The following ANKFN1 variants were observed in gnomAD, a reference collection of about 807,000 sequenced individuals.
ANKFN1 encodes ankyrin repeat and fibronectin type-III domain-containing protein 1.
Under a neutral mutation model 108.7 loss-of-function variants are expected in ANKFN1, and 74 were observed. The ratio of observed to expected loss-of-function variants is 0.68; its 90% CI spans 0.56 to 0.83. The LOEUF (loss-of-function observed/expected upper bound fraction) is 0.83. Ranked by LOEUF, ANKFN1 falls within the 40% of genes least tolerant of loss-of-function variation. The probability of loss-of-function intolerance (pLI) is 0.00; values close to 1 mark genes in which losing one functional copy is unlikely to be tolerated. For synonymous variants in ANKFN1, 547 were observed against 516.2 expected (o/e 1.06, Z -0.81); for missense variants, 1,505 against 1,382.3 (o/e 1.09, Z -1.41).
chr17:56,336,317 G>T (rs1442173118), intron 4 of ANKFN1, among the ~76,000 whole-genome samples: 1 of 152,104 alleles, frequency 6.6e-6, no homozygotes, highest in Non-Finnish European at 1.5e-5. Context: ...TTGTACCTCT[G>T]GTAGAATTCG....
rs1344970325 is a variant in ANKFN1, at chr17:56,265,310, G to A, written c.53+37353G>A. Among the ~76,000 whole-genome samples the A allele has an allele frequency of 3.3e-5, 5 of 152,164 alleles. No homozygotes were observed. In the East Asian group the frequency reaches 9.6e-4, roughly 29 times the overall value. On this transcript the variant is annotated intron_variant, in intron 3 of 20. Coordinates refer to ENST00000682825, the MANE Select transcript of ANKFN1 (RefSeq NM_001370326.1). ...TACCATCATGGCAGAAGGCAAAGGG[G>A]AAGCAAGCACCTTCTTCACAAGGTA...
At chr17:56,239,718 C>T (rs1196456160) in intron 3 of ANKFN1, among the ~76,000 whole-genome samples, 1 of 152,028 alleles carries the variant, frequency 6.6e-6, no homozygotes, top group African/African-American at 2.4e-5. Context: ...CTTGGGAAAC[C>T]CACAAGGATT....
At chr17:56,122,460 A>G (rs889666593) in intron 4 of ANKFN1, among the ~76,000 whole-genome samples, 1 of 152,030 alleles carries the variant, frequency 6.6e-6, no homozygotes, top group Non-Finnish European at 1.5e-5. Context: ...TACTTCTTCT[A>G]CTCCCTATAA....
At chr17:56,306,292 G>C (rs1006580712) in intron 3 of ANKFN1, among the ~76,000 whole-genome samples, 1 of 152,198 alleles carries the variant, frequency 6.6e-6, no homozygotes, top group Non-Finnish European at 1.5e-5. Flanking sequence ...CATGAACACA[G>C]TATGTCGTTC....
intron 4 of ANKFN1, among the ~76,000 whole-genome samples, chr17:56,330,821 T>A (rs1313393984): frequency 6.6e-6 from 1 of 152,216 alleles, no homozygotes; most frequent in Non-Finnish European, 1.5e-5. Context: ...TCAATACTAA[T>A]CATCTTTCTA....
intron 1 of ANKFN1, chr17:56,206,652 C>T (rs1914562800): frequency 6.6e-6 from 1 of 152,178 alleles, no homozygotes; most frequent in African/African-American, 2.4e-5. Context: ...GAATGCTGGT[C>T]TAGCATTCGT....
chr17:56,107,000 T>C (rs1023954654), intron 4 of ANKFN1, among the ~76,000 whole-genome samples: 1 of 152,178 alleles, frequency 6.6e-6, no homozygotes, highest in African/African-American at 2.4e-5. Context: ...GCTTCAATTT[T>C]GCATGTGCCT....
chr17:56,153,126 C>T (rs1908767816), upstream of ANKFN1, among the ~76,000 whole-genome samples: 1 of 152,168 alleles, frequency 6.6e-6, no homozygotes, highest in South Asian at 2.1e-4. Flanking sequence ...CTTTCCTTCC[C>T]ACCCTGTCTC....
At chr17:56,140,879 C>T (rs1036977425) in intron 4 of ANKFN1, among the ~76,000 whole-genome samples, 3 of 152,134 alleles carry the variant, frequency 2.0e-5, no homozygotes, top group African/African-American at 7.2e-5. Context: ...TATGTTGTCG[C>T]TTACACTCCC....
chr17:56,432,067 A>G (rs116557515), intron 8 of ANKFN1, among the ~76,000 whole-genome samples: 7,754 of 152,286 alleles, frequency 0.051, 416 homozygotes, highest in African/African-American at 0.14. Flanking sequence ...GCCACTTTTC[A>G]AGGGAGGTGT....
At chr17:56,048,928 G>T (rs1195237395) in intron 4 of ANKFN1, among the ~76,000 whole-genome samples, 1 of 152,188 alleles carries the variant, frequency 6.6e-6, no homozygotes, top group African/African-American at 2.4e-5. Context: ...GGAAGGTGAA[G>T]ACTAGCAAAG....
intron 3 of ANKFN1, among the ~76,000 whole-genome samples, chr17:56,315,708 C>G (rs2045183976): frequency 6.6e-6 from 1 of 152,178 alleles, no homozygotes; most frequent in African/African-American, 2.4e-5. Context: ...CTCCTCTACT[C>G]CTTAGAAAGT....
At chr17:56,391,950 T>A (rs769844141) in intron 8 of ANKFN1, among the ~76,000 whole-genome samples, 11 of 152,190 alleles carry the variant, frequency 7.2e-5, no homozygotes, top group African/African-American at 2.4e-4. Flanking sequence ...TGACAGCTAT[T>A]ACGTGTCAGA....
chr17:56,399,301 G>A (rs942085396), intron 8 of ANKFN1, among the ~76,000 whole-genome samples: 1 of 151,918 alleles, frequency 6.6e-6, no homozygotes, highest in South Asian at 2.1e-4. Flanking sequence ...CAAAAGGAAA[G>A]GCATTTATAC....
chr17:56,499,076 G>A lies in ANKFN1; in HGVS notation c.2622G>A (p.Met874Ile). Residue 874 changes from methionine (M) to isoleucine (I), a missense_variant, in exon 20 of 21, where the codon ATG (methionine) becomes ATA (isoleucine). Met to Ile is a conservative substitution (Grantham distance 10). Transcript: ENST00000682825. ...CATCCCCACCCCCATCCCCAGAGATGCACAGAAGAAAGACAGTGAGTGGTA... is the reference window on the plus strand; with the variant it reads ...CATCCCCACCCCCATCCCCAGAGATACACAGAAGAAAGACAGTGAGTGGTA... The part of the protein sequence containing the change: ...CLPSPPPSPE[M>I]HRRKTVSDSQ... The A allele has an allele frequency of 6.5e-7, 1 of 1,535,446 alleles. No individual in the cohort carries two copies. Among genetic ancestry groups the A allele is most frequent in the Non-Finnish European group, 8.7e-7 (1 of 1,146,522 alleles).
chr17:56,430,500 C>CCACACACACACACA (rs60148599), intron 8 of ANKFN1, among the ~76,000 whole-genome samples: 28 of 144,184 alleles, frequency 1.9e-4, no homozygotes, highest in African/African-American at 6.4e-4. Context: ...GATGCTTTTA[C>CCACACACACACACA]CACACACACA....
intron 4 of ANKFN1, among the ~76,000 whole-genome samples, chr17:56,133,570 G>A (rs1320794153): frequency 7.8e-6 from 1 of 127,820 alleles, no homozygotes; most frequent in Non-Finnish European, 1.7e-5. Flanking sequence ...GTGTGTGTGT[G>A]TGTACACATA....
At chr17:56,153,775 G>A (rs539914807) in intron 1 of ANKFN1, among the ~76,000 whole-genome samples, 1 of 152,162 alleles carries the variant, frequency 6.6e-6, no homozygotes, top group African/African-American at 2.4e-5. Context: ...GGAGATTAAA[G>A]GAGAGAGGCT....
intron 6 of ANKFN1, among the ~76,000 whole-genome samples, chr17:56,357,780 A>G (rs2046412394): frequency 6.6e-6 from 1 of 152,190 alleles, no homozygotes; most frequent in Non-Finnish European, 1.5e-5. Flanking sequence ...CTAAAGAGGC[A>G]GGATATATAA....
Sources: allele counts gnomAD v4.1 joint callset (sites outside exome capture counted in the v4.1 genomes callset), GRCh38; gene constraint gnomAD v4.1.1; transcripts MANE v1.5; gene names NCBI Gene and HGNC (gene_info 2026-07-23, HGNC 2026-07-21).